C19orf44: variants seen among roughly 807,000 people sequenced by gnomAD.
The protein encoded by C19orf44 is chromosome 19 open reading frame 44, also known as uncharacterized protein C19orf44.
C19orf44 carries 43 observed loss-of-function variants against 50.7 expected under a neutral mutation model. The observed-to-expected ratio is 0.85, with a 90% CI of 0.66 to 1.09. The LOEUF is 1.09. Among genes scored for constraint, C19orf44 ranks in the 50% least tolerant of loss-of-function variants. The pLI is 0.00. For synonymous variants in C19orf44, 298 were observed against 334.7 expected, an observed-to-expected ratio of 0.89 and a Z score of 1.20; for missense variants, 722 against 836.2, an observed-to-expected ratio of 0.86 and a Z score of 1.68.
chr19:16,520,307 C>A lies in C19orf44; in HGVS notation c.*254C>A. On this transcript the variant is annotated 3_prime_UTR_variant, in exon 9 of 9. Transcript: ENST00000221671. This position sits in a 1 kb window ranked among gnomAD's most constrained non-coding sequence, Gnocchi z 4.0. ...CCAAGGGTCAGCAGCAGCCAGGCGTCGTGGGGAGGCCACAGGAAGAGGCCT... is the reference window on the plus strand; with the variant it reads ...CCAAGGGTCAGCAGCAGCCAGGCGTAGTGGGGAGGCCACAGGAAGAGGCCT... 4 of 1,611,094 alleles carry A rather than the reference C, an allele frequency of 2.5e-6. No individual in the cohort carries two copies. Among genetic ancestry groups the A allele is most frequent in the Non-Finnish European group, 3.4e-6 (4 of 1,178,150 alleles).
chr19:16,509,845 C>T lies in C19orf44; in HGVS notation c.1496C>T (p.Ser499Phe). 6.2e-7 allele frequency: 1 copy of T among 1,614,262 alleles called. No individual in the cohort carries two copies. The highest frequency in any genetic ancestry group is 8.5e-7 in the Non-Finnish European group (1 of 1,180,050). Residue 499 changes from serine (S) to phenylalanine (F), a missense_variant, in exon 5 of 9, where the codon TCT becomes TTT. Physicochemically the swap from Ser to Phe is radical, Grantham distance 155 (BLOSUM62 -2). Transcript: ENST00000221671. ...ESLDRTLDAL[S>F]ESSSSVKTDL... The stretch of plus-strand genomic sequence containing the variant: ...CTTGACAGAACACTGGACGCTTTGT[C>T]TGAATCCTCTTCAAGTGTGAAGACA...
In C19orf44 at chr19:16,520,006, T is replaced by C. The variant is rs1599744656; in HGVS notation, c.*41-88T>C. On this transcript the variant is annotated intron_variant, in intron 8 of 8. Transcript: ENST00000221671. The surrounding 1 kb of genome is among the most constrained non-coding windows in gnomAD (Gnocchi z 4.0). ...AGGCTTCGCCAAGTGGCTACTGTGG[T>C]GAAGGGTGAGGGGTGCCACTGTCCC... 4.6e-6 allele frequency: 4 copies of C among 876,842 alleles called. No individual in the cohort carries two copies. In the East Asian group the frequency reaches 7.3e-5, roughly 16 times the overall value. The allele number at this position is 876,842 out of a possible 1,614,324, so 54.3% of individuals were successfully genotyped here.
chr19:16,521,257 G>A lies in C19orf44; in HGVS notation c.*1204G>A. 1 of 567,388 alleles carries A rather than the reference G, an allele frequency of 1.8e-6. No homozygotes were observed. Among genetic ancestry groups the A allele is most frequent in the Non-Finnish European group, 3.1e-6 (1 of 319,534 alleles). The allele number at this position is 567,388 out of a possible 1,614,324, so 35.1% of individuals were successfully genotyped here. ...GTGACCACTGGGAAGGGTGGGCTGA[G>A]GGCCCTGTGGCAGCCGGCTGCTTGA... is the stretch of plus-strand genomic sequence containing the variant. On this transcript the variant is annotated 3_prime_UTR_variant, in exon 9 of 9. Coordinates refer to ENST00000221671, the MANE Select transcript of C19orf44 (RefSeq NM_032207.4).
intron 3 of C19orf44, among the ~76,000 whole-genome samples, chr19:16,505,096 C>T (rs1295952374): frequency 2.6e-5 from 4 of 152,070 alleles, no homozygotes; most frequent in Non-Finnish European, 4.4e-5. Context: ...GGATTACAGG[C>T]GTGAGCCACC....
intron 7 of C19orf44, among the ~76,000 whole-genome samples, chr19:16,516,535 C>T (rs1435442131): frequency 1.3e-5 from 2 of 152,282 alleles, no homozygotes; most frequent in South Asian, 2.1e-4. Flanking sequence ...TTTGGTAATT[C>T]GGATCCAAAG....
Position 16,520,155 on chromosome 19 carries a change from G to A in C19orf44, c.*102G>A. 1 of 1,612,280 alleles carries A rather than the reference G, an allele frequency of 6.2e-7. No individual in the cohort carries two copies. The highest frequency in any genetic ancestry group is 8.5e-7 in the Non-Finnish European group (1 of 1,179,668). ...ACTTAAGACAGGATCTTACGGCGGG[G>A]TGGGGCTCCTGGACCGTGACCGGCG... On this transcript the variant is annotated 3_prime_UTR_variant, in exon 9 of 9. Coordinates refer to ENST00000221671, the MANE Select transcript of C19orf44 (RefSeq NM_032207.4). The surrounding 1 kb of genome is among the most constrained non-coding windows in gnomAD (Gnocchi z 4.0).
In C19orf44 at chr19:16,519,945, G is replaced by T; in HGVS notation, c.*41-149G>T. On this transcript the variant is annotated intron_variant, in intron 8 of 8. Transcript: ENST00000221671. The surrounding 1 kb of genome is among the most constrained non-coding windows in gnomAD (Gnocchi z 6.0). ...TTGAGAGCAGGACACCTCCAACCCA[G>T]ATGGTGGTTAGAAAGCAGACCCCAG... 1.5e-6 allele frequency: 1 copy of T among 668,304 alleles called. No individual in the cohort carries two copies. The highest frequency in any genetic ancestry group is 2.6e-6 in the Non-Finnish European group (1 of 390,870). The allele number at this position is 668,304 out of a possible 1,614,324, so 41.4% of individuals were successfully genotyped here.
chr19:16,521,003 T>C lies in C19orf44; in HGVS notation c.*950T>C. On this transcript the variant is annotated 3_prime_UTR_variant, in exon 9 of 9. Coordinates refer to ENST00000221671, the MANE Select transcript of C19orf44 (RefSeq NM_032207.4). ...CATCAGGAGTTAATCCACAGAACCT[T>C]GGAGAGTACATGGCCCTGTGGCTGT... 1 of 1,112,508 alleles carries C rather than the reference T, an allele frequency of 9.0e-7. No homozygotes were observed. The highest frequency in any genetic ancestry group is 1.4e-6 in the Non-Finnish European group (1 of 734,136). The allele number at this position is 1,112,508 out of a possible 1,614,324, so 68.9% of individuals were successfully genotyped here.
intron 2 of C19orf44, 36 bp from the exon 3 acceptor site, chr19:16,503,029 G>T (rs1215193057): frequency 3.8e-6 from 6 of 1,559,712 alleles, no homozygotes; most frequent in Non-Finnish European, 5.2e-6. Context: ...AACCTTAGTT[G>T]TCATAAGTTT....
chr19:16,515,759 T>C (rs1354403606), intron 7 of C19orf44, among the ~76,000 whole-genome samples: 1 of 151,814 alleles, frequency 6.6e-6, no homozygotes, highest in African/African-American at 2.4e-5. Context: ...GAAATGGCAT[T>C]ATACTATATG....
Position 16,520,728 on chromosome 19 carries a change from G to A in C19orf44, c.*675G>A, listed in dbSNP as rs1270098665. The A allele has an allele frequency of 7.8e-7, 1 of 1,288,944 alleles. No individual in the cohort carries two copies. Among genetic ancestry groups the A allele is most frequent in the African/African-American group, 1.5e-5 (1 of 68,424 alleles). 79.8% of individuals were successfully genotyped at this position (1,288,944 alleles called of 1,614,324 possible). A position where few individuals can be genotyped will look rare whatever the true frequency, so the allele number is the denominator to read the frequency against. Reference sequence around the variant, plus strand: ...ACACCGCCCCATAGGCACAGGCTGTGTGAGGGTGGACGTGATGAGTGTATC... The same window carrying A: ...ACACCGCCCCATAGGCACAGGCTGTATGAGGGTGGACGTGATGAGTGTATC... On this transcript the variant is annotated 3_prime_UTR_variant, in exon 9 of 9. Transcript: ENST00000221671. This position sits in a 1 kb window ranked among gnomAD's most constrained non-coding sequence, Gnocchi z 4.0.
At position 16,501,188 on chromosome 19, in the gene C19orf44, C is replaced by T. The variant is rs371756715; in HGVS notation, c.396C>T (p.Asp132=). Residue 132 remains aspartate, a synonymous_variant, in exon 2 of 9, where the codon GAC becomes GAT. Coordinates refer to ENST00000221671, the MANE Select transcript of C19orf44 (RefSeq NM_032207.4). ...ATGCTGGTCTTCCAAAGAGAGCTGA[C>T]AGAATCCTCTCTGGGGGTGCACTCG... ...TADAGLPKRA[D]RILSGGALEL... The T allele has an allele frequency of 4.3e-6, 7 of 1,614,028 alleles. No individual in the cohort carries two copies. The African/African-American group carries it at 9.3e-5, about 22-fold the overall frequency.
intron 5 of C19orf44, among the ~76,000 whole-genome samples, chr19:16,512,183 G>A (rs1362066070): frequency 6.6e-6 from 1 of 152,074 alleles, no homozygotes; most frequent in African/African-American, 2.4e-5. Flanking sequence ...AAATCACCTT[G>A]GAGGTGTTAA....
rs188352665 is a variant in C19orf44 at position 16,505,306 on chromosome 19, G to A, written c.1076-1395G>A. ...TTGGCTCACTGCAACTTCCGCCTCC[G>A]AGATTCAAGCAATTCTTCTGCCTCA... On this transcript the variant is annotated intron_variant, in intron 3 of 8. Coordinates refer to ENST00000221671, the MANE Select transcript of C19orf44 (RefSeq NM_032207.4). Among the ~76,000 whole-genome samples, 556 of 151,016 alleles carry A rather than the reference G, an allele frequency of 3.7e-3. 4 individuals carry two copies. Among genetic ancestry groups the A allele is most frequent in the Non-Finnish European group, 5.5e-3 (373 of 67,744 alleles).
Position 16,514,591 on chromosome 19 carries a change from C to G in C19orf44, c.1830C>G (p.His610Gln). Reference protein sequence around the residue: ...LTQQFIQASRHLHASLLRSLD... With the variant: ...LTQQFIQASRQLHASLLRSLD... ...AGCAGTTCATCCAGGCCAGCCGGCA[C>G]CTGCACGCCTCCCTCCTGCGCTCCC... Residue 610 changes from histidine to glutamine, a missense_variant, in exon 7 of 9, where the codon CAC becomes CAG. Coordinates refer to ENST00000221671, the MANE Select transcript of C19orf44 (RefSeq NM_032207.4). 1 of 1,606,854 alleles carries G rather than the reference C, an allele frequency of 6.2e-7. No homozygotes were observed. Among genetic ancestry groups the G allele is most frequent in the Non-Finnish European group, 8.5e-7 (1 of 1,177,696 alleles).
At chr19:16,506,221 C>T (rs1006193141) in intron 3 of C19orf44, among the ~76,000 whole-genome samples, 3 of 150,562 alleles carry the variant, frequency 2.0e-5, no homozygotes, top group Admixed American at 6.6e-5. Flanking sequence ...GTGATCTGCC[C>T]GCCTCGGCCT....
chr19:16,513,642 C>G (rs1297593787), intron 6 of C19orf44, among the ~76,000 whole-genome samples: 1 of 152,144 alleles, frequency 6.6e-6, no homozygotes, highest in Non-Finnish European at 1.5e-5. Context: ...CCTCGGTCTC[C>G]CAAAGTTCTG....
Position 16,519,536 on chromosome 19 carries a change from C to T in C19orf44, c.*41-558C>T. 2 of 1,336,394 alleles carry T rather than the reference C, an allele frequency of 1.5e-6. No homozygotes were observed. Among genetic ancestry groups the T allele is most frequent in the Non-Finnish European group, 2.1e-6 (2 of 931,724 alleles). The allele number at this position is 1,336,394 out of a possible 1,614,324, so 82.8% of individuals were successfully genotyped here. A position where few individuals can be genotyped will look rare whatever the true frequency, so the allele number is the denominator to read the frequency against. ...GCCTGACTCCATCCATCCCCACATG[C>T]ACTGAGGAAGAGAAAGCGCTGGTGA... On this transcript the variant is annotated intron_variant, in intron 8 of 8. Coordinates refer to ENST00000221671, the MANE Select transcript of C19orf44 (RefSeq NM_032207.4). The surrounding 1 kb of genome is among the most constrained non-coding windows in gnomAD (Gnocchi z 6.0).
chr19:16,519,924 G>A lies in C19orf44; in HGVS notation c.*41-170G>A. The A allele has an allele frequency of 3.0e-6, 2 of 658,882 alleles. No homozygotes were observed. Among genetic ancestry groups the A allele is most frequent in the Non-Finnish European group, 5.3e-6 (2 of 380,606 alleles). 40.8% of individuals were successfully genotyped at this position (658,882 alleles called of 1,614,324 possible). ...GCCCCCACCCCACGCTCAGCATTGA[G>A]AGCAGGACACCTCCAACCCAGATGG... is the stretch of plus-strand genomic sequence containing the variant. On this transcript the variant is annotated intron_variant, in intron 8 of 8. Coordinates refer to ENST00000221671, the MANE Select transcript of C19orf44 (RefSeq NM_032207.4). The surrounding 1 kb of genome is among the most constrained non-coding windows in gnomAD (Gnocchi z 6.0).
Sources: allele counts gnomAD v4.1 joint callset (sites outside exome capture counted in the v4.1 genomes callset), GRCh38; gene constraint gnomAD v4.1.1; non-coding constraint Gnocchi (gnomAD v3.1); transcripts MANE v1.5; gene names NCBI Gene and HGNC (gene_info 2026-07-23, HGNC 2026-07-21).